The following ANKRD12 variants were observed in gnomAD, a reference collection of about 807,000 sequenced individuals.
The protein encoded by ANKRD12 is ankyrin repeat domain 12.
ANKRD12 carries 85 observed loss-of-function variants against 183.4 expected under a neutral mutation model. That is an observed-to-expected ratio of 0.46 (90% CI 0.39 to 0.56). ANKRD12 has a LOEUF of 0.56. Among genes scored for constraint, ANKRD12 ranks in the 20% least tolerant of loss-of-function variants. The probability of loss-of-function intolerance (pLI) is 0.00; values close to 1 mark genes in which losing one functional copy is unlikely to be tolerated. For synonymous variants in ANKRD12, 914 were observed against 800.2 expected (o/e 1.14, Z -2.40); for missense variants, 2,405 against 2,357.1 (o/e 1.02, Z -0.42).
chr18:9,207,296 TAAA>T (rs2035541612), intron 4 of ANKRD12, among the ~76,000 whole-genome samples: 1 of 152,076 alleles, frequency 6.6e-6, no homozygotes, highest in Non-Finnish European at 1.5e-5. Context: ...AATGAAATAA[TAAA>T]TATGAAAAGA....
intron 1 of ANKRD12, among the ~76,000 whole-genome samples, chr18:9,162,381 C>G (rs1009637008): frequency 6.6e-6 from 1 of 152,180 alleles, no homozygotes; most frequent in Non-Finnish European, 1.5e-5. Context: ...GACATGATCT[C>G]TTTCCTTTTT....
At chr18:9,182,245 CTT>C in intron 1 of ANKRD12, 135 bp from the exon 2 acceptor site, 1 of 290,674 alleles carries the variant, frequency 3.4e-6, no homozygotes, top group Non-Finnish European at 6.4e-6. Context: ...AAGGTGAAAA[CTT>C]ACTTTAGCTT....
rs1297186890 is a variant in ANKRD12 at position 9,265,842 on chromosome 18, G to A, written c.5763+1954G>A. On this transcript the variant is annotated intron_variant, in intron 10 of 12. Coordinates refer to ENST00000262126, the MANE Select transcript of ANKRD12 (RefSeq NM_015208.5). ...TACTCCGAGATAAAGGAGGAAGTTC[G>A]AACCCATGGCAAAGAAGTTAAAAAC... is the stretch of plus-strand genomic sequence containing the variant. Among the ~76,000 whole-genome samples the A allele has an allele frequency of 2.6e-5, 4 of 152,046 alleles. No homozygotes were observed. The South Asian group carries it at 6.2e-4, about 24-fold the overall frequency.
At chr18:9,249,752 A>G (rs1349135928) in intron 8 of ANKRD12, 1 of 152,248 alleles carries the variant, frequency 6.6e-6, no homozygotes, top group Non-Finnish European at 1.5e-5. Context: ...TAACATAGGT[A>G]TAAATTCCTG....
chr18:9,182,717 T>G (rs1395976623), intron 2 of ANKRD12, among the ~76,000 whole-genome samples, 198 bp downstream of exon 2: 2 of 152,166 alleles, frequency 1.3e-5, no homozygotes, highest in African/African-American at 4.8e-5. Flanking sequence ...ACACAACTAC[T>G]AAGTAAAACA....
In ANKRD12 at chr18:9,254,998, G is replaced by A. The variant is rs576539021; in HGVS notation, c.1731G>A (p.Gln577=). 1.2e-6 allele frequency: 2 copies of A among 1,609,030 alleles called. No homozygotes were observed. Among genetic ancestry groups the A allele is most frequent in the East Asian group, 2.2e-5 (1 of 44,618 alleles). Residue 577 remains glutamine, a synonymous_variant, in exon 9 of 13, where the codon CAG becomes CAA. Coordinates refer to ENST00000262126, the MANE Select transcript of ANKRD12 (RefSeq NM_015208.5). ...CAGGAAGTTCTGAAATGTCATTACA[G>A]CCTGATCTTGTTCGGTATGATAATA... ...LSPGSSEMSL[Q]PDLVRYDNTE...
chr18:9,151,068 C>T (rs960343685), intron 1 of ANKRD12, among the ~76,000 whole-genome samples: 29 of 152,236 alleles, frequency 1.9e-4, no homozygotes, highest in African/African-American at 6.7e-4. Context: ...TGAAAATTAA[C>T]TATTACTTTA....
At chr18:9,231,213 A>G (rs1397607143) in intron 8 of ANKRD12, among the ~76,000 whole-genome samples, 5 of 152,150 alleles carry the variant, frequency 3.3e-5, no homozygotes, top group African/African-American at 4.8e-5. Context: ...GATGAGAAGA[A>G]TGTGTATTCT....
chr18:9,188,821 A>G (rs1453064092), intron 2 of ANKRD12, among the ~76,000 whole-genome samples: 2 of 152,214 alleles, frequency 1.3e-5, no homozygotes, highest in Non-Finnish European at 2.9e-5. Context: ...GGCAAGCTTA[A>G]TGTTGTATGT....
intron 1 of ANKRD12, among the ~76,000 whole-genome samples, chr18:9,145,415 A>G (rs1173048257): frequency 6.6e-6 from 1 of 152,236 alleles, no homozygotes; most frequent in Non-Finnish European, 1.5e-5. Context: ...GCAATATTAT[A>G]GTATGTGTCT....
At chr18:9,162,568 T>G (rs2031568609) in intron 1 of ANKRD12, among the ~76,000 whole-genome samples, 1 of 152,236 alleles carries the variant, frequency 6.6e-6, no homozygotes, top group African/African-American at 2.4e-5. Flanking sequence ...ATATACCTAG[T>G]AATGAGATGG....
chr18:9,144,699 A>G (rs546513509), intron 1 of ANKRD12, among the ~76,000 whole-genome samples: 2 of 152,316 alleles, frequency 1.3e-5, no homozygotes, highest in East Asian at 1.9e-4. Context: ...TTTTGCACCT[A>G]AGGTTCAAGT....
In ANKRD12 at chr18:9,255,501, G is replaced by A. The variant is rs115155142; in HGVS notation, c.2234G>A (p.Arg745Lys). The A allele has an allele frequency of 2.2e-5, 34 of 1,569,124 alleles. No homozygotes were observed. In the African/African-American group the frequency reaches 3.9e-4, roughly 18 times the overall value. ...STKEKHVSKE[R>K]NFKEERDKIK... is the part of the protein sequence containing the mutation. ...AAGGAAAAGCATGTGTCAAAAGAGAGGAACTTTAAAGAGGAACGAGACAAG... is the reference window on the plus strand; with the variant it reads ...AAGGAAAAGCATGTGTCAAAAGAGAAGAACTTTAAAGAGGAACGAGACAAG... Residue 745 changes from arginine to lysine, a missense_variant, in exon 9 of 13, where the codon AGG becomes AAG. Coordinates refer to ENST00000262126, the MANE Select transcript of ANKRD12 (RefSeq NM_015208.5).
Position 9,220,920 on chromosome 18 carries a change from C to A in ANKRD12, c.796-932C>A, listed in dbSNP as rs372838058. On this transcript the variant is annotated intron_variant, in intron 7 of 12. Coordinates refer to ENST00000262126, the MANE Select transcript of ANKRD12 (RefSeq NM_015208.5). ...GGCCATTCCATAAGATTGATGGTAG[C>A]AGAGTTGTAGGTGAAAGAGTGAAGG... is the stretch of plus-strand genomic sequence containing the variant. Among the ~76,000 whole-genome samples the A allele has an allele frequency of 7.8e-4, 118 of 152,170 alleles. 1 individual carries two copies. Among genetic ancestry groups the A allele is most frequent in the African/African-American group, 2.8e-3 (116 of 41,524 alleles).
intron 8 of ANKRD12, among the ~76,000 whole-genome samples, chr18:9,226,054 TAAATA>T (rs1271277252): frequency 6.6e-6 from 1 of 152,230 alleles, no homozygotes; most frequent in Non-Finnish European, 1.5e-5. Flanking sequence ...ATGTAATTCT[TAAATA>T]TAATGTATAT....
chr18:9,140,581 A>C (rs1320291104), intron 1 of ANKRD12, among the ~76,000 whole-genome samples: 1 of 152,210 alleles, frequency 6.6e-6, no homozygotes, highest in East Asian at 1.9e-4. Flanking sequence ...TAGCAATGTT[A>C]ATTTATTTGA....
chr18:9,272,080 A>T (rs368737590), intron 10 of ANKRD12, among the ~76,000 whole-genome samples: 1 of 152,308 alleles, frequency 6.6e-6, no homozygotes, highest in South Asian at 2.1e-4. Flanking sequence ...AACTAAGAGG[A>T]AGCAATACAT....
chr18:9,261,247 C>T (rs1175419278), intron 9 of ANKRD12, among the ~76,000 whole-genome samples: 2 of 152,228 alleles, frequency 1.3e-5, no homozygotes, highest in African/African-American at 4.8e-5. Context: ...CATAATACCT[C>T]TTCCACAGCA....
At position 9,281,216 on chromosome 18, in the gene ANKRD12, C is replaced by A; in HGVS notation, c.*90C>A. Reference sequence around the variant, plus strand: ...CTGCCTTTTGACAAAAATACTCATGCCTTTACAATTGTTAGTAAAGTTCGA... The same window carrying A: ...CTGCCTTTTGACAAAAATACTCATGACTTTACAATTGTTAGTAAAGTTCGA... On this transcript the variant is annotated 3_prime_UTR_variant, in exon 13 of 13. Coordinates refer to ENST00000262126, the MANE Select transcript of ANKRD12 (RefSeq NM_015208.5). 1 of 1,071,726 alleles carries A rather than the reference C, an allele frequency of 9.3e-7. No homozygotes were observed. The highest frequency in any genetic ancestry group is 1.3e-6 in the Non-Finnish European group (1 of 750,226). The allele number at this position is 1,071,726 out of a possible 1,614,324, so 66.4% of individuals were successfully genotyped here.
Sources: gnomAD v4.1 joint callset for allele counts (sites outside exome capture counted in the v4.1 genomes callset) on GRCh38, gnomAD v4.1.1 for gene constraint, MANE v1.5 for transcripts, NCBI Gene and HGNC (gene_info 2026-07-23, HGNC 2026-07-21) for gene names.